Variants in ITLN1 observed in about 807,000 individuals in gnomAD.
The protein encoded by ITLN1 is intelectin 1, also known as intelectin-1.
In ITLN1, 29 loss-of-function variants were observed where a neutral mutation model predicts 36.2. That is an observed-to-expected ratio of 0.80 (90% CI 0.60 to 1.09). The LOEUF is 1.09. Among genes scored for constraint, ITLN1 ranks in the 50% least tolerant of loss-of-function variants. The probability of loss-of-function intolerance (pLI) is 0.00; values close to 1 mark genes in which losing one functional copy is unlikely to be tolerated. For synonymous variants in ITLN1, 143 were observed against 146.5 expected (o/e 0.98, Z 0.17); for missense variants, 358 against 405.2 (o/e 0.88, Z 1.00).
At chr1:160,884,437 A>G (rs1233649004) in intron 2 of ITLN1, among the ~76,000 whole-genome samples, 1 of 152,270 alleles carries the variant, frequency 6.6e-6, no homozygotes, top group East Asian at 1.9e-4. Flanking sequence ...AGAAAAATAT[A>G]AATTTTAAAA....
At chr1:160,880,469 G>T in intron 6 of ITLN1, 119 bp downstream of exon 6, 2 of 981,062 alleles carry the variant, frequency 2.0e-6, no homozygotes, top group Non-Finnish European at 3.0e-6. Flanking sequence ...ATCAAGTGGG[G>T]CAATATAGGG....
intron 7 of ITLN1, among the ~76,000 whole-genome samples, chr1:160,877,118 G>A (rs1429435752): frequency 5.3e-5 from 8 of 152,084 alleles, no homozygotes; most frequent in Non-Finnish European, 1.2e-4. Flanking sequence ...AGCACCTGTA[G>A]TCCCACTACT....
rs770348548 is a variant in ITLN1, at chr1:160,882,218, C to A, written c.158-14G>T. The A allele has an allele frequency of 1.9e-6, 3 of 1,553,918 alleles. No individual in the cohort carries two copies. The highest frequency in any genetic ancestry group is 2.6e-6 in the Non-Finnish European group (3 of 1,148,122). ...AATACAGGCCATCTGTAGAGAGAAC[C>A]AGCCCAGAGCCTCCCTGTCTGAGAG... is the stretch of plus-strand genomic sequence containing the variant. On this transcript the variant is annotated splice_polypyrimidine_tract_variant and intron_variant, in intron 3 of 7. Transcript: ENST00000326245.
intron 7 of ITLN1, among the ~76,000 whole-genome samples, chr1:160,879,071 T>C (rs890423597): frequency 6.6e-6 from 1 of 152,194 alleles, no homozygotes; most frequent in Non-Finnish European, 1.5e-5. Context: ...CACCCAGTAA[T>C]GGTTCTTTTG....
chr1:160,883,892 A>G (rs112305005), intron 2 of ITLN1, among the ~76,000 whole-genome samples: 4 of 152,342 alleles, frequency 2.6e-5, no homozygotes, highest in African/African-American at 9.6e-5. Flanking sequence ...AATTGTATTG[A>G]CAAGAATAAA....
intron 7 of ITLN1, 117 bp from the exon 8 acceptor site, chr1:160,876,933 G>T: frequency 9.6e-7 from 1 of 1,044,234 alleles, no homozygotes; most frequent in Non-Finnish European, 1.4e-6. Flanking sequence ...CATTGACAGT[G>T]TTGATCTATT....
At position 160,880,673 on chromosome 1, in the gene ITLN1, C is replaced by G; in HGVS notation, c.600G>C (p.Trp200Cys). ...CAGGGATCACCGGGCCGTTGTCAGT[C>G]CAACACTTTCCTTCTCCATATTTCA... The part of the protein sequence containing the change: ...YPVKYGEGKC[W>C]TDNGPVIPVV... The change falls in exon 6 of 8, where the codon TGG becomes TGC. Residue 200 changes from tryptophan to cysteine, a missense_variant. Transcript: ENST00000326245. 6.2e-7 allele frequency: 1 copy of G among 1,614,122 alleles called. No individual in the cohort carries two copies.
intron 1 of ITLN1, 55 bp downstream of exon 1, chr1:160,885,004 ATC>A: frequency 1.5e-6 from 1 of 649,290 alleles, no homozygotes; most frequent in South Asian, 1.8e-5. Context: ...AACTTCACAC[ATC>A]TCTGAGACCA....
At position 160,879,342 on chromosome 1, in the gene ITLN1, C is replaced by A. The variant is rs765659971; in HGVS notation, c.758G>T (p.Gly253Val). Reference protein sequence around the residue: ...NERAANALCAGMRVTGCNTEH... With the variant: ...NERAANALCAVMRVTGCNTEH... ...AGTGTTACATCCGGTGACCCTCATT[C>A]CAGCACACAAGGCGTTGGCTGCTCT... is the stretch of plus-strand genomic sequence containing the variant. Residue 253 changes from glycine (G) to valine (V), a missense_variant, in exon 7 of 8, where the codon GGA becomes GTA. Coordinates refer to ENST00000326245, the MANE Select transcript of ITLN1 (RefSeq NM_017625.3). 6.2e-7 allele frequency: 1 copy of A among 1,614,122 alleles called. No homozygotes were observed. The highest frequency in any genetic ancestry group is 1.7e-5 in the Admixed American group (1 of 60,026).
intron 7 of ITLN1, among the ~76,000 whole-genome samples, chr1:160,877,728 G>A (rs554832094): frequency 2.0e-5 from 3 of 152,296 alleles, no homozygotes; most frequent in Admixed American, 1.3e-4. Context: ...ATCTCATGTC[G>A]AATTGTAATC....
At chr1:160,878,744 C>A (rs1394557542) in intron 7 of ITLN1, among the ~76,000 whole-genome samples, 1 of 152,026 alleles carries the variant, frequency 6.6e-6, no homozygotes, top group African/African-American at 2.4e-5. Flanking sequence ...TATTTAAAAT[C>A]TTTGGAATTT....
Position 160,882,194 on chromosome 1 carries a change from A to C in ITLN1, c.168T>G (p.Tyr56Ter). The part of the protein sequence containing the change: ...DECPSAFDGL[Y>*]FLRTENGVIY... ...TAACACCATTCTCAGTGCGGAGAAAATACAGGCCATCTGTAGAGAGAACCA... is the reference window on the plus strand; with the variant it reads ...TAACACCATTCTCAGTGCGGAGAAACTACAGGCCATCTGTAGAGAGAACCA... Residue 56 changes from tyrosine (Y) to a stop codon, truncating the protein, a stop_gained, in exon 4 of 8, where the codon TAT (tyrosine) becomes TAG (stop). Transcript: ENST00000326245. LOFTEE classifies it high-confidence loss of function. 1 of 1,577,476 alleles carries C rather than the reference A, an allele frequency of 6.3e-7. No individual in the cohort carries two copies. Among genetic ancestry groups the C allele is most frequent in the Non-Finnish European group, 8.6e-7 (1 of 1,159,656 alleles).
Position 160,876,820 on chromosome 1 carries a change from G to A in ITLN1, c.790-4C>T. The stretch of plus-strand genomic sequence containing the variant: ...ATCCTCCTCCACCAATGCAGTGCTG[G>A]GAAACAAAGAGAGGAAGAGGCAGTA... On this transcript the variant is annotated splice_polypyrimidine_tract_variant and splice_region_variant and intron_variant, in intron 7 of 7. Coordinates refer to ENST00000326245, the MANE Select transcript of ITLN1 (RefSeq NM_017625.3). The A allele has an allele frequency of 2.5e-6, 4 of 1,613,460 alleles. No individual in the cohort carries two copies. The highest frequency in any genetic ancestry group is 2.5e-6 in the Non-Finnish European group (3 of 1,179,742).
chr1:160,883,721 C>T (rs575534906), intron 2 of ITLN1, among the ~76,000 whole-genome samples, 195 bp from the exon 3 acceptor site: 1 of 152,338 alleles, frequency 6.6e-6, no homozygotes, highest in South Asian at 2.1e-4. Context: ...CATATCCACT[C>T]AGCCCATCCG....
chr1:160,880,637 A>G lies in ITLN1; in HGVS notation c.636T>C (p.Asp212=). Residue 212 remains aspartate, a synonymous_variant, in exon 6 of 8, where the codon GAT becomes GAC. Coordinates refer to ENST00000326245, the MANE Select transcript of ITLN1 (RefSeq NM_017625.3). ...ATGCTGTTTTCTGGGCGTCGCCAAA[A>G]TCATAGACCACAGGGATCACCGGGC... is the stretch of plus-strand genomic sequence containing the variant. ...DNGPVIPVVY[D]FGDAQKTASY... is the part of the protein sequence containing the mutation. 2 of 1,614,146 alleles carry G rather than the reference A, an allele frequency of 1.2e-6. No individual in the cohort carries two copies. The highest frequency in any genetic ancestry group is 1.7e-6 in the Non-Finnish European group (2 of 1,180,022).
At chr1:160,880,787 C>G (rs934293194) in intron 5 of ITLN1, 79 bp from the exon 6 acceptor site, 7 of 1,487,578 alleles carry the variant, frequency 4.7e-6, no homozygotes, top group African/African-American at 2.8e-5. Context: ...TGCTGCCATT[C>G]ATAGAGGAGA....
intron 7 of ITLN1, 42 bp downstream of exon 7, chr1:160,879,269 C>T (rs562509606): frequency 2.8e-6 from 4 of 1,419,588 alleles, no homozygotes; most frequent in African/African-American, 2.8e-5. Context: ...CGGACAAACT[C>T]GACCTTACTC....
chr1:160,883,108 T>C (rs1431309209), intron 3 of ITLN1, among the ~76,000 whole-genome samples: 2 of 152,178 alleles, frequency 1.3e-5, no homozygotes, highest in Non-Finnish European at 2.9e-5. Context: ...CCTCAACTGA[T>C]CCACCCCTCT....
chr1:160,881,861 C>G, intron 4 of ITLN1, 96 bp downstream of exon 4: 1 of 1,573,814 alleles, frequency 6.4e-7, no homozygotes, highest in Non-Finnish European at 8.7e-7. Flanking sequence ...CCAGCCCATC[C>G]CACACCCCTA....
Sources: gnomAD v4.1 joint callset for allele counts (sites outside exome capture counted in the v4.1 genomes callset) on GRCh38, gnomAD v4.1.1 for gene constraint, MANE v1.5 for transcripts, NCBI Gene and HGNC (gene_info 2026-07-23, HGNC 2026-07-21) for gene names.